The following ARHGAP39 variants were observed in gnomAD, a reference collection of about 807,000 sequenced individuals.
The protein encoded by ARHGAP39 is Rho GTPase activating protein 39.
In ARHGAP39, 44 loss-of-function variants were observed where a neutral mutation model predicts 106.9. The ratio of observed to expected loss-of-function variants is 0.41; its 90% CI spans 0.32 to 0.53. The LOEUF is 0.53. ARHGAP39 is among the 20% of genes least tolerant of loss of function. The pLI, the probability that ARHGAP39 is intolerant of heterozygous loss-of-function variation, is 0.21. For missense variants in ARHGAP39, 1,496 were observed against 1,577.3 expected (o/e 0.95, Z 0.87); for synonymous variants, 768 against 693.2 (o/e 1.11, Z -1.69).
chr8:144,597,874 G>A (rs371263590), intron 2 of ARHGAP39, among the ~76,000 whole-genome samples: 18 of 152,284 alleles, frequency 1.2e-4, no homozygotes, highest in African/African-American at 3.4e-4. Flanking sequence ...TCCAGGCTCA[G>A]TCAACATGCA....
In ARHGAP39 at chr8:144,586,353, T is replaced by G. The variant is rs1819185325; in HGVS notation, c.81-5076A>C. On this transcript the variant is annotated intron_variant, in intron 2 of 11. Coordinates refer to ENST00000377307, the MANE Select transcript of ARHGAP39 (RefSeq NM_025251.3). This position sits in a 1 kb window ranked among gnomAD's most constrained non-coding sequence, Gnocchi z 4.2. ...ATGACGTTTCTCACACTGCTGGAAG[T>G]GCAATCAGCTCAGCCCTCTGCCCAG... is the stretch of plus-strand genomic sequence containing the variant. 1 of 152,264 alleles carries G rather than the reference T, an allele frequency of 6.6e-6. No homozygotes were observed. Among genetic ancestry groups the G allele is most frequent in the Admixed American group, 6.5e-5 (1 of 15,286 alleles). 9.4% of individuals were successfully genotyped at this position (152,264 alleles called of 1,614,324 possible).
At position 144,670,225 on chromosome 8, in the gene ARHGAP39, G is replaced by T. The variant is rs893871189; in HGVS notation, c.-82+15461C>A. ...GCTCGGACGCATGCTAGAGCGTACCGGGAAGCTGGATGAGGGCCTGGGACC... is the reference window on the plus strand; with the variant it reads ...GCTCGGACGCATGCTAGAGCGTACCTGGAAGCTGGATGAGGGCCTGGGACC... On this transcript the variant is annotated intron_variant, in intron 1 of 11. Transcript: ENST00000377307. The surrounding 1 kb of genome is among the most constrained non-coding windows in gnomAD (Gnocchi z 4.4). Among the ~76,000 whole-genome samples the T allele has an allele frequency of 6.6e-6, 1 of 152,176 alleles. No individual in the cohort carries two copies. The highest frequency in any genetic ancestry group is 1.9e-4 in the East Asian group (1 of 5,180).
At chr8:144,561,625 GACCCCAGTGGTTTCCATCGC>G (rs1564848632) in intron 3 of ARHGAP39, among the ~76,000 whole-genome samples, 3 of 53,350 alleles carry the variant, frequency 5.6e-5, no homozygotes, top group Admixed American at 3.1e-4. Context: ...GTTTCCATCG[GACCCCAGTGGTTTCCATCGC>G]GCTCCAGTGG....
At chr8:144,546,422 G>A (rs990725192) in intron 5 of ARHGAP39, among the ~76,000 whole-genome samples, 10 of 152,128 alleles carry the variant, frequency 6.6e-5, no homozygotes, top group South Asian at 2.1e-4. Flanking sequence ...TGGAGACCAC[G>A]AAGGCCACCC....
intron 1 of ARHGAP39, among the ~76,000 whole-genome samples, chr8:144,620,131 G>A (rs1406270080): frequency 2.7e-5 from 4 of 148,432 alleles, no homozygotes; most frequent in Admixed American, 2.0e-4. Flanking sequence ...GTGTGCGTGT[G>A]AGCCTGTGTG....
chr8:144,583,784 T>C (rs567611751), intron 2 of ARHGAP39, among the ~76,000 whole-genome samples: 25 of 152,334 alleles, frequency 1.6e-4, no homozygotes, highest in African/African-American at 5.8e-4. Context: ...ATTCACAAGA[T>C]TACTACTGTC....
chr8:144,552,729 A>C (rs1036510452), intron 4 of ARHGAP39, among the ~76,000 whole-genome samples: 1 of 151,958 alleles, frequency 6.6e-6, no homozygotes, highest in Non-Finnish European at 1.5e-5. Flanking sequence ...TGCTTTGGCC[A>C]GGCTGAGGTA....
upstream of ARHGAP39, among the ~76,000 whole-genome samples, chr8:144,688,200 T>G (rs964066114): frequency 2.0e-5 from 3 of 150,734 alleles, no homozygotes; most frequent in African/African-American, 7.4e-5. Context: ...GCCTTCTGGG[T>G]TCAAGCAATT....
In ARHGAP39 at chr8:144,679,816, T is replaced by G. The variant is rs1822346087; in HGVS notation, c.-82+5870A>C. On this transcript the variant is annotated intron_variant, in intron 1 of 11. Transcript: ENST00000377307. This position sits in a 1 kb window ranked among gnomAD's most constrained non-coding sequence, Gnocchi z 4.7. Reference sequence around the variant, plus strand: ...TAACACAGTGAAACCCCGTGTCTACTAAAAACACAAAAAATTAGCCGGGCA... The same window carrying G: ...TAACACAGTGAAACCCCGTGTCTACGAAAAACACAAAAAATTAGCCGGGCA... 6.6e-6 allele frequency among the ~76,000 whole-genome samples: 1 copy of G among 152,068 alleles called. No homozygotes were observed. Among genetic ancestry groups the G allele is most frequent in the South Asian group, 2.1e-4 (1 of 4,822 alleles).
At chr8:144,581,536 G>T (rs1818992374) in intron 2 of ARHGAP39, among the ~76,000 whole-genome samples, 1 of 152,224 alleles carries the variant, frequency 6.6e-6, no homozygotes, top group Non-Finnish European at 1.5e-5. Flanking sequence ...GGGACATACT[G>T]GCTGTGGTTG....
At chr8:144,566,728 G>A (rs1044392278) in intron 3 of ARHGAP39, among the ~76,000 whole-genome samples, 2 of 152,046 alleles carry the variant, frequency 1.3e-5, no homozygotes, top group Admixed American at 6.6e-5. Context: ...GGTGGTGTGC[G>A]CCTGTAATCC....
intron 1 of ARHGAP39, among the ~76,000 whole-genome samples, chr8:144,639,064 C>T (rs893493359): frequency 6.6e-6 from 1 of 152,116 alleles, no homozygotes; most frequent in Admixed American, 6.5e-5. Context: ...CGGTGGCTCA[C>T]GCCTGTAATC....
Position 144,549,999 on chromosome 8 carries a change from A to C in ARHGAP39, c.597-1510T>G, listed in dbSNP as rs1288379061. On this transcript the variant is annotated intron_variant, in intron 4 of 11. Transcript: ENST00000377307. Reference sequence around the variant, plus strand: ...GCTTAAAAATAGGGAATGGCCAGGCATGGTGGCTCACGTCTGTAATCCAAA... The same window carrying C: ...GCTTAAAAATAGGGAATGGCCAGGCCTGGTGGCTCACGTCTGTAATCCAAA... 4.6e-5 allele frequency among the ~76,000 whole-genome samples: 7 copies of C among 152,322 alleles called. No individual in the cohort carries two copies. In the East Asian group the frequency reaches 1.4e-3, roughly 29 times the overall value.
chr8:144,595,773 C>T (rs536556976), intron 2 of ARHGAP39, among the ~76,000 whole-genome samples: 55 of 152,244 alleles, frequency 3.6e-4, no homozygotes, highest in African/African-American at 1.3e-3. Context: ...TTGGTGGGTC[C>T]AGTGGGACCA....
At chr8:144,676,894 G>C (rs917466768) in intron 1 of ARHGAP39, among the ~76,000 whole-genome samples, 1 of 152,248 alleles carries the variant, frequency 6.6e-6, no homozygotes, top group Non-Finnish European at 1.5e-5. Context: ...AGCAAGCGAG[G>C]GCTGCCAGCA....
chr8:144,552,973 G>A (rs953955682), intron 4 of ARHGAP39, among the ~76,000 whole-genome samples: 16 of 152,220 alleles, frequency 1.1e-4, no homozygotes, highest in Non-Finnish European at 2.1e-4. Context: ...TCCGAGCCCA[G>A]CGGGCCTGGC....
rs574893008 is a variant in ARHGAP39 at position 144,658,171 on chromosome 8, G to A, written c.-82+27515C>T. Among the ~76,000 whole-genome samples, 183 of 152,176 alleles carry A rather than the reference G, an allele frequency of 1.2e-3. 1 individual carries two copies. Among genetic ancestry groups the A allele is most frequent in the African/African-American group, 3.8e-3 (156 of 41,492 alleles). Reference sequence around the variant, plus strand: ...TTTGCCCAGGCTGGAGTGAAATGGCGCGATCTTGGCTCACTGTAACCTCCG... The same window carrying A: ...TTTGCCCAGGCTGGAGTGAAATGGCACGATCTTGGCTCACTGTAACCTCCG... On this transcript the variant is annotated intron_variant, in intron 1 of 11. Coordinates refer to ENST00000377307, the MANE Select transcript of ARHGAP39 (RefSeq NM_025251.3).
chr8:144,534,343 G>A (rs1816867199), intron 7 of ARHGAP39, 141 bp from the exon 8 acceptor site: 1 of 822,000 alleles, frequency 1.2e-6, no homozygotes, highest in Admixed American at 2.2e-5. Context: ...CAGCACAGCG[G>A]GTCCTCACAC....
chr8:144,547,547 G>C lies in ARHGAP39; in HGVS notation c.1539C>G (p.Pro513=). Residue 513 remains proline, a synonymous_variant, in exon 5 of 12, where the codon CCC becomes CCG. Coordinates refer to ENST00000377307, the MANE Select transcript of ARHGAP39 (RefSeq NM_025251.3). This position sits in a 1 kb window ranked among gnomAD's most constrained non-coding sequence, Gnocchi z 5.2. ...QATSATPTEG[P]GDLLVEQPLA... ...GGGGCTGCTCCACAAGCAGGTCCCC[G>C]GGGCCCTCAGTGGGGGTGGCGCTGG... 1 of 1,474,162 alleles carries C rather than the reference G, an allele frequency of 6.8e-7. No homozygotes were observed. Among genetic ancestry groups the C allele is most frequent in the Non-Finnish European group, 9.0e-7 (1 of 1,115,876 alleles). 91.3% of individuals were successfully genotyped at this position (1,474,162 alleles called of 1,614,324 possible). A position where few individuals can be genotyped will look rare whatever the true frequency, so the allele number is the denominator to read the frequency against.
Sources: gnomAD v4.1 joint callset for allele counts (sites outside exome capture counted in the v4.1 genomes callset) on GRCh38, gnomAD v4.1.1 for gene constraint, Gnocchi (gnomAD v3.1) non-coding constraint, MANE v1.5 for transcripts, NCBI Gene and HGNC (gene_info 2026-07-23, HGNC 2026-07-21) for gene names.